HERC4: variants seen among roughly 807,000 people sequenced by gnomAD.
HERC4 encodes the protein HECT and RLD domain containing E3 ubiquitin protein ligase 4, also known as probable E3 ubiquitin-protein ligase HERC4.
In HERC4, 28 loss-of-function variants were observed where a neutral mutation model predicts 124.3. That is an observed-to-expected ratio of 0.23 (90% CI 0.17 to 0.31). The LOEUF (loss-of-function observed/expected upper bound fraction) is 0.31, where lower values mean the gene tolerates loss of function less well. HERC4 is among the 10% of genes least tolerant of loss of function. The pLI is 1.00. For synonymous variants in HERC4, 407 were observed against 421.5 expected, an observed-to-expected ratio of 0.97 and a Z score of 0.42; for missense variants, 713 against 1,229.3, an observed-to-expected ratio of 0.58 and a Z score of 6.28.
chr10:67,985,635 T>C (rs1452141100), intron 15 of HERC4, among the ~76,000 whole-genome samples: 2 of 152,216 alleles, frequency 1.3e-5, no homozygotes, highest in Admixed American at 6.5e-5. Flanking sequence ...AGGCTTCTCT[T>C]TTGGCATACC....
At chr10:68,063,516 C>A (rs887233687) in intron 3 of HERC4, among the ~76,000 whole-genome samples, 2 of 152,076 alleles carry the variant, frequency 1.3e-5, no homozygotes, top group African/African-American at 4.8e-5. Context: ...CCTTGTCATA[C>A]ATTTTAAAAA....
At chr10:68,025,133 C>T (rs2038832118) in intron 8 of HERC4, among the ~76,000 whole-genome samples, 1 of 151,830 alleles carries the variant, frequency 6.6e-6, no homozygotes, top group African/African-American at 2.4e-5. Flanking sequence ...AAGCCTGAGG[C>T]AAGAGGATCA....
intron 8 of HERC4, among the ~76,000 whole-genome samples, chr10:68,016,033 G>A (rs1205689667): frequency 6.6e-6 from 1 of 152,108 alleles, no homozygotes; most frequent in Non-Finnish European, 1.5e-5. Context: ...AACCTGGAAG[G>A]CAGAGGTTGC....
chr10:67,956,891 ACTGCATCGGT>A lies in HERC4; in HGVS notation c.2002_2011del (p.Thr668SerfsTer23). 1 of 1,574,086 alleles carries A rather than the reference ACTGCATCGGT, an allele frequency of 6.4e-7. No individual in the cohort carries two copies. Among genetic ancestry groups the A allele is most frequent in the Non-Finnish European group, 8.6e-7 (1 of 1,161,882 alleles). ...ATAATATTTTACCTGCATCTGTAAG[ACTGCATCGGT>A]CTGTAACAGAGTAGTTTTTGCTTGG... On this transcript the variant is annotated frameshift_variant, in exon 17 of 25. Coordinates refer to ENST00000373700, the MANE Select transcript of HERC4 (RefSeq NM_015601.4). LOFTEE classifies it high-confidence loss of function.
rs2039924217 is a variant in HERC4, at chr10:68,044,567, C to T, written c.227-4G>A. Reference sequence around the variant, plus strand: ...GCATCCAGGGCAACAACCTGCTCTACAGAAATCAAGAAGAGAAATATTGCA... The same window carrying T: ...GCATCCAGGGCAACAACCTGCTCTATAGAAATCAAGAAGAGAAATATTGCA... On this transcript the variant is annotated splice_polypyrimidine_tract_variant and splice_region_variant and intron_variant, in intron 3 of 24. Coordinates refer to ENST00000373700, the MANE Select transcript of HERC4 (RefSeq NM_015601.4). 6.2e-7 allele frequency: 1 copy of T among 1,611,424 alleles called. No homozygotes were observed. The highest frequency in any genetic ancestry group is 8.5e-7 in the Non-Finnish European group (1 of 1,179,112).
At chr10:67,966,635 A>G in intron 16 of HERC4, 48 bp downstream of exon 16, 1 of 1,542,896 alleles carries the variant, frequency 6.5e-7, no homozygotes, top group South Asian at 1.2e-5. Context: ...TTTTTTTATT[A>G]GATACATATA....
chr10:67,990,871 TA>T, intron 13 of HERC4, 32 bp downstream of exon 13: 1 of 1,381,102 alleles, frequency 7.2e-7, no homozygotes, highest in Non-Finnish European at 1.0e-6. Flanking sequence ...AATCAACAGA[TA>T]ATACTGTAAA....
chr10:67,947,096 G>T (rs2132215517), intron 19 of HERC4, among the ~76,000 whole-genome samples: 1 of 152,232 alleles, frequency 6.6e-6, no homozygotes, highest in South Asian at 2.1e-4. Flanking sequence ...AGAAACATTG[G>T]ACTTAATCTG....
chr10:68,062,964 GCTCA>G, intron 3 of HERC4, among the ~76,000 whole-genome samples: 2 of 151,918 alleles, frequency 1.3e-5, no homozygotes, highest in Middle Eastern at 3.4e-3. Flanking sequence ...TAACCTTCCT[GCTCA>G]CTATTCTCAA....
At chr10:68,040,006 C>T (rs1477800924) in intron 4 of HERC4, 1 of 720,868 alleles carries the variant, frequency 1.4e-6, no homozygotes, top group Non-Finnish European at 1.7e-6. Context: ...CTCTGCTAAA[C>T]AGTAAGTTCT....
rs12251764 is a variant in HERC4, at chr10:67,980,067, T to C, written c.1806+8596A>G. Among the ~76,000 whole-genome samples, 604 of 152,324 alleles carry C rather than the reference T, an allele frequency of 4.0e-3. 5 individuals carry two copies. The highest frequency in any genetic ancestry group is 0.014 in the African/African-American group (571 of 41,564). The stretch of plus-strand genomic sequence containing the variant: ...AGAGAATGGCATGACATTTAAAGTA[T>C]TGAAGGGAAAATTTATCCAGTGAAA... On this transcript the variant is annotated intron_variant, in intron 15 of 24. Transcript: ENST00000373700.
chr10:67,979,793 C>A (rs1028018336), intron 15 of HERC4, among the ~76,000 whole-genome samples: 2 of 151,892 alleles, frequency 1.3e-5, no homozygotes, highest in East Asian at 3.9e-4. Flanking sequence ...AAAAATTAGC[C>A]GGGTGTGGCG....
At chr10:68,037,091 C>CTTTTTTTTTTTTTTTTTTTTTTTTTTTT (rs35105661) in intron 5 of HERC4, among the ~76,000 whole-genome samples, 1 of 106,948 alleles carries the variant, frequency 9.4e-6, no homozygotes, top group Non-Finnish European at 1.8e-5. Flanking sequence ...CCTATTTCTT[C>CTTTTTTTTTTTTTTTTTTTTTTTTTTTT]TTTTTTTTTT....
rs191523450 is a variant in HERC4 at position 68,040,842 on chromosome 10, T to C, written c.387-2673A>G. 2.9e-3 allele frequency among the ~76,000 whole-genome samples: 439 copies of C among 150,332 alleles called. 1 individual carries two copies. The highest frequency in any genetic ancestry group is 0.01 in the African/African-American group (427 of 40,816). On this transcript the variant is annotated intron_variant, in intron 4 of 24. Coordinates refer to ENST00000373700, the MANE Select transcript of HERC4 (RefSeq NM_015601.4). ...AGGCGGAAGTTGCAGTGAGCCAAGATTGCGCCACTGCACTCCAGCCTGGGT... is the reference window on the plus strand; with the variant it reads ...AGGCGGAAGTTGCAGTGAGCCAAGACTGCGCCACTGCACTCCAGCCTGGGT...
chr10:67,964,088 T>A (rs918023488), intron 16 of HERC4, among the ~76,000 whole-genome samples: 1 of 124,946 alleles, frequency 8.0e-6, no homozygotes. Flanking sequence ...CAGCTACCAC[T>A]CCATTTTTTT....
intron 15 of HERC4, among the ~76,000 whole-genome samples, chr10:67,977,088 C>A (rs2035636730): frequency 6.6e-6 from 1 of 152,182 alleles, no homozygotes; most frequent in Non-Finnish European, 1.5e-5. Flanking sequence ...TTAGGGACTG[C>A]TGGCACTACC....
At position 67,922,856 on chromosome 10, in the gene HERC4, C is replaced by T; in HGVS notation, c.*75G>A. On this transcript the variant is annotated 3_prime_UTR_variant, in exon 25 of 25. Transcript: ENST00000373700. ...TTATAATAGTACCTCTGTCACCTTG[C>T]TGAATTCATCACCACAAGAAAAACA... 5.8e-6 allele frequency: 6 copies of T among 1,025,926 alleles called. No individual in the cohort carries two copies. The highest frequency in any genetic ancestry group is 8.7e-6 in the Non-Finnish European group (6 of 687,858). 63.6% of individuals were successfully genotyped at this position (1,025,926 alleles called of 1,614,324 possible).
At chr10:67,933,862 T>G (rs1478114788) in intron 22 of HERC4, among the ~76,000 whole-genome samples, 2 of 152,158 alleles carry the variant, frequency 1.3e-5, no homozygotes, top group Admixed American at 6.5e-5. Flanking sequence ...AGAAGGACAC[T>G]GAGGCATTGA....
At chr10:68,010,469 T>A in intron 9 of HERC4, 1 of 930,156 alleles carries the variant, frequency 1.1e-6, no homozygotes. Flanking sequence ...AGAACCACAC[T>A]CGGATCACAT....
Sources: allele counts gnomAD v4.1 joint callset (sites outside exome capture counted in the v4.1 genomes callset), GRCh38; gene constraint gnomAD v4.1.1; transcripts MANE v1.5; gene names NCBI Gene and HGNC (gene_info 2026-07-23, HGNC 2026-07-21).